Variants in TALDO1 observed in about 807,000 individuals in gnomAD.
TALDO1 encodes transaldolase 1, also known as transaldolase.
A neutral mutation model predicts 38.1 loss-of-function variants in TALDO1; 29 were observed. The ratio of observed to expected loss-of-function variants is 0.76; its 90% CI spans 0.57 to 1.04. TALDO1 has a LOEUF of 1.04. TALDO1 is among the 50% of genes least tolerant of loss of function. TALDO1 has a pLI of 0.00. For missense variants in TALDO1, 499 were observed against 438.1 expected (o/e 1.14, Z -1.24); for synonymous variants, 207 against 176.8 (o/e 1.17, Z -1.36).
chr11:763,774 A>G lies in TALDO1; in HGVS notation c.665A>G (p.Asn222Ser). 6.2e-7 allele frequency: 1 copy of G among 1,613,930 alleles called. No homozygotes were observed. The highest frequency in any genetic ancestry group is 8.5e-7 in the Non-Finnish European group (1 of 1,179,994). The change falls in exon 6 of 8, where the codon AAC becomes AGC. Residue 222 changes from asparagine (N) to serine (S), a missense_variant. Transcript: ENST00000319006. ...GTAAAGAGTGTCACTAAAATCTACAACTACTACAAGAAGTTTAGCTACAAA... is the reference window on the plus strand; with the variant it reads ...GTAAAGAGTGTCACTAAAATCTACAGCTACTACAAGAAGTTTAGCTACAAA... ...PGVKSVTKIY[N>S]YYKKFSYKTI...
chr11:751,864 G>C (rs1005485412), intron 1 of TALDO1, among the ~76,000 whole-genome samples: 4 of 152,098 alleles, frequency 2.6e-5, no homozygotes, highest in African/African-American at 9.7e-5. Context: ...GTGCATGCAT[G>C]CATGTGTGTG....
At chr11:756,278 C>T (rs1862836880) in intron 2 of TALDO1, 2 of 464,772 alleles carry the variant, frequency 4.3e-6, no homozygotes, top group Non-Finnish European at 7.9e-6. Context: ...CCCCACAGGC[C>T]CCTCCTCCCC....
rs1394042774 is a variant in TALDO1 at position 760,448 on chromosome 11, GC to G, written c.461+196del. On this transcript the variant is annotated intron_variant, in intron 4 of 7. Transcript: ENST00000319006. ...TGCTCCAGAGCCAGCTCCCTCACTT[GC>G]TGGTGATCAGAAATGAGGGATTTCC... The G allele has an allele frequency of 8.1e-6, 6 of 741,292 alleles. No individual in the cohort carries two copies. The Admixed American group carries it at 1.5e-4, about 19-fold the overall frequency. The allele number at this position is 741,292 out of a possible 1,614,324, so 45.9% of individuals were successfully genotyped here.
chr11:759,070 G>A lies in TALDO1; in HGVS notation c.329+13G>A. On this transcript the variant is annotated intron_variant, in intron 3 of 7. Coordinates refer to ENST00000319006, the MANE Select transcript of TALDO1 (RefSeq NM_006755.2). Reference sequence around the variant, plus strand: ...AAGTAGACGCAAGGTAAGGATGCTTGCTCCTGCACTGGATGGGCTGGTCAG... The same window carrying A: ...AAGTAGACGCAAGGTAAGGATGCTTACTCCTGCACTGGATGGGCTGGTCAG... The A allele has an allele frequency of 6.2e-7, 1 of 1,605,110 alleles. No individual in the cohort carries two copies. Among genetic ancestry groups the A allele is most frequent in the Non-Finnish European group, 8.5e-7 (1 of 1,173,212 alleles).
intron 6 of TALDO1, 100 bp from the exon 7 acceptor site, chr11:764,188 G>C: frequency 6.3e-7 from 1 of 1,599,742 alleles, no homozygotes; most frequent in Non-Finnish European, 8.6e-7. Context: ...CCTGGCCCTG[G>C]TGGGAGATGC....
chr11:748,025 A>G (rs1862690140), intron 1 of TALDO1, among the ~76,000 whole-genome samples: 1 of 152,218 alleles, frequency 6.6e-6, no homozygotes, highest in South Asian at 2.1e-4. Context: ...GGCTGTGGGC[A>G]GCCCGCGGGA....
rs757435408 is a variant in TALDO1 at position 755,958 on chromosome 11, G to A, written c.177G>A (p.Gln59=). 4.3e-6 allele frequency: 7 copies of A among 1,614,030 alleles called. No individual in the cohort carries two copies. Among genetic ancestry groups the A allele is most frequent in the Non-Finnish European group, 4.2e-6 (5 of 1,179,982 alleles). ...ILAAAQMPAY[Q]ELVEEAIAYG... ...CCGCAGCACAGATGCCCGCTTACCAGGAGCTGGTGGAGGAGGCGATTGCCT... is the reference window on the plus strand; with the variant it reads ...CCGCAGCACAGATGCCCGCTTACCAAGAGCTGGTGGAGGAGGCGATTGCCT... The change falls in exon 2 of 8, where the codon CAG becomes CAA. Residue 59 remains glutamine (Q), a synonymous_variant. Coordinates refer to ENST00000319006, the MANE Select transcript of TALDO1 (RefSeq NM_006755.2).
chr11:755,705 C>T (rs946129719), intron 1 of TALDO1, 174 bp from the exon 2 acceptor site: 1 of 866,654 alleles, frequency 1.2e-6, no homozygotes, highest in Non-Finnish European at 1.8e-6. Context: ...AAACAGCCGC[C>T]TCTTGATGAA....
intron 5 of TALDO1, 77 bp downstream of exon 5, chr11:763,596 G>C: frequency 6.3e-7 from 1 of 1,596,582 alleles, no homozygotes; most frequent in Non-Finnish European, 8.6e-7. Flanking sequence ...CCGAGACGGA[G>C]CTGCCGCATC....
intron 4 of TALDO1, among the ~76,000 whole-genome samples, chr11:761,196 C>T (rs966734362): frequency 1.1e-4 from 16 of 151,838 alleles, no homozygotes; most frequent in African/African-American, 3.4e-4. Flanking sequence ...TTTAGCTGGG[C>T]GTGGTGGCAG....
At chr11:751,526 G>A (rs1201884301) in intron 1 of TALDO1, among the ~76,000 whole-genome samples, 1 of 152,102 alleles carries the variant, frequency 6.6e-6, no homozygotes, top group Non-Finnish European at 1.5e-5. Flanking sequence ...TTGGCTGGTG[G>A]CTTACGCCTG....
chr11:756,464 A>G (rs999232591), intron 2 of TALDO1, among the ~76,000 whole-genome samples: 5 of 150,732 alleles, frequency 3.3e-5, no homozygotes, highest in East Asian at 1.9e-4. Context: ...CAGCTTCCCA[A>G]TTAGCTGGGC....
intron 2 of TALDO1, 53 bp downstream of exon 2, chr11:756,055 T>C: frequency 1.9e-6 from 3 of 1,581,284 alleles, no homozygotes; most frequent in Non-Finnish European, 2.6e-6. Context: ...CTAGTCTAGT[T>C]GGCCTTGCTT....
At chr11:760,359 C>T in intron 4 of TALDO1, 106 bp downstream of exon 4, 1 of 1,545,968 alleles carries the variant, frequency 6.5e-7, no homozygotes. Flanking sequence ...TGGGGAATGC[C>T]AGACTGGGGA....
chr11:759,163 C>A, intron 3 of TALDO1, 106 bp downstream of exon 3: 1 of 935,976 alleles, frequency 1.1e-6, no homozygotes. Context: ...GGTCTTCATC[C>A]CAAGGGCCCA....
chr11:764,217 G>A (rs1446485754), intron 6 of TALDO1, 71 bp from the exon 7 acceptor site: 4 of 1,611,112 alleles, frequency 2.5e-6, no homozygotes, highest in Non-Finnish European at 3.4e-6. Flanking sequence ...AGCAGTTCAG[G>A]CCCTGAGCCC....
At chr11:763,586 C>T in intron 5 of TALDO1, 67 bp downstream of exon 5, 3 of 1,601,838 alleles carry the variant, frequency 1.9e-6, no homozygotes, top group Non-Finnish European at 1.7e-6. Context: ...CAGGAAGAGC[C>T]CGAGACGGAG....
At chr11:754,221 G>C (rs1457587815) in intron 1 of TALDO1, among the ~76,000 whole-genome samples, 1 of 152,004 alleles carries the variant, frequency 6.6e-6, no homozygotes, top group Non-Finnish European at 1.5e-5. Flanking sequence ...CTGACCTCAA[G>C]TGATCCACCC....
At position 759,476 on chromosome 11, in the gene TALDO1, G is replaced by A. The variant is rs186241318; in HGVS notation, c.329+419G>A. Among the ~76,000 whole-genome samples, 352 of 152,054 alleles carry A rather than the reference G, an allele frequency of 2.3e-3. 1 individual carries two copies. Among genetic ancestry groups the A allele is most frequent in the African/African-American group, 8.0e-3 (333 of 41,452 alleles). On this transcript the variant is annotated intron_variant, in intron 3 of 7. Coordinates refer to ENST00000319006, the MANE Select transcript of TALDO1 (RefSeq NM_006755.2). ...GGGGTTTGACCATTTTGGCCAGGCT[G>A]GTCTTGAACTCCTGACGTCATGATC...
Sources: gnomAD v4.1 joint callset for allele counts (sites outside exome capture counted in the v4.1 genomes callset) on GRCh38, gnomAD v4.1.1 for gene constraint, MANE v1.5 for transcripts, NCBI Gene and HGNC (gene_info 2026-07-23, HGNC 2026-07-21) for gene names.